Variants in VAV3 observed in about 807,000 individuals in gnomAD.
VAV3 encodes the protein vav guanine nucleotide exchange factor 3.
Under a neutral mutation model 131.2 loss-of-function variants are expected in VAV3, and 94 were observed. The observed-to-expected ratio is 0.72, with a 90% CI of 0.61 to 0.85. VAV3 has a LOEUF of 0.85. VAV3 is among the 40% of genes least tolerant of loss of function. The pLI is 0.00. For missense variants in VAV3, 939 were observed against 1,002.7 expected (o/e 0.94, Z 0.86); for synonymous variants, 349 against 342.0 (o/e 1.02, Z -0.22).
chr1:107,707,613 T>C (rs1434290602), intron 15 of VAV3, among the ~76,000 whole-genome samples: 5 of 152,202 alleles, frequency 3.3e-5, no homozygotes, highest in Non-Finnish European at 7.3e-5. Flanking sequence ...TCTGAGAATC[T>C]CCAGCACAAC....
At chr1:107,621,233 T>C (rs1653577105) in intron 20 of VAV3, among the ~76,000 whole-genome samples, 1 of 152,128 alleles carries the variant, frequency 6.6e-6, no homozygotes, top group Admixed American at 6.6e-5. Context: ...ATTTCTTAAA[T>C]GGTCATAGGC....
chr1:107,576,026 TTTC>T (rs1649619527), intron 25 of VAV3, among the ~76,000 whole-genome samples: 1 of 152,206 alleles, frequency 6.6e-6, no homozygotes, highest in Non-Finnish European at 1.5e-5. Context: ...TTCTATTTAT[TTTC>T]TTCATGAAAA....
At position 107,964,015 on chromosome 1, in the gene VAV3, T is replaced by G. The variant is rs1039495808; in HGVS notation, c.204+651A>C. 2.0e-5 allele frequency among the ~76,000 whole-genome samples: 3 copies of G among 152,198 alleles called. 1 individual carries two copies. Among genetic ancestry groups the G allele is most frequent in the African/African-American group, 7.2e-5 (3 of 41,450 alleles). On this transcript the variant is annotated intron_variant, in intron 1 of 26. Transcript: ENST00000370056. The stretch of plus-strand genomic sequence containing the variant: ...GGAATCTCTAGTGAAACTTCTCATT[T>G]CCTGTCGCTGCTGAGAGAGGCTGGA...
chr1:107,763,615 T>C (rs890727301), intron 9 of VAV3, among the ~76,000 whole-genome samples: 5 of 152,312 alleles, frequency 3.3e-5, no homozygotes, highest in Non-Finnish European at 7.4e-5. Flanking sequence ...AGGAAGTCTT[T>C]GCACTAACAA....
intron 18 of VAV3, among the ~76,000 whole-genome samples, chr1:107,684,134 C>A (rs1156871000): frequency 1.3e-5 from 2 of 152,194 alleles, no homozygotes; most frequent in African/African-American, 4.8e-5. Flanking sequence ...GAAAATGAAT[C>A]TGTAAGAAAA....
intron 25 of VAV3, among the ~76,000 whole-genome samples, chr1:107,588,182 G>A (rs191354751): frequency 3.3e-5 from 5 of 152,274 alleles, no homozygotes; most frequent in Admixed American, 2.6e-4. Context: ...AAAAAGGGAA[G>A]CCCAGCATCA....
At chr1:107,901,427 T>G (rs1236669452) in intron 1 of VAV3, among the ~76,000 whole-genome samples, 1 of 152,226 alleles carries the variant, frequency 6.6e-6, no homozygotes, top group Non-Finnish European at 1.5e-5. Flanking sequence ...TAACATTAGA[T>G]CCCACTAAGT....
chr1:107,620,327 C>T (rs931281380), intron 20 of VAV3, among the ~76,000 whole-genome samples: 7 of 152,110 alleles, frequency 4.6e-5, no homozygotes, highest in African/African-American at 1.4e-4. Flanking sequence ...CAATGACTAA[C>T]TTTATAATGA....
intron 2 of VAV3, among the ~76,000 whole-genome samples, chr1:107,817,462 A>G (rs1411029699): frequency 6.6e-6 from 1 of 152,200 alleles, no homozygotes; most frequent in South Asian, 2.1e-4. Flanking sequence ...AGATTATAAA[A>G]AATCTTCCAG....
At chr1:107,779,190 C>T (rs1488099334) in intron 3 of VAV3, among the ~76,000 whole-genome samples, 1 of 150,492 alleles carries the variant, frequency 6.6e-6, no homozygotes, top group Non-Finnish European at 1.5e-5. Context: ...AAAAGAAGAA[C>T]CACACCAGTG....
At chr1:107,611,728 C>A (rs4915055) in intron 21 of VAV3, among the ~76,000 whole-genome samples, 56,211 of 151,886 alleles carry the variant, frequency 0.37, 10,788 homozygotes, top group Middle Eastern at 0.44. Flanking sequence ...GAAACAGTGA[C>A]AGAAGATTCT....
chr1:107,728,652 T>TACG (rs1662026314), intron 15 of VAV3, among the ~76,000 whole-genome samples: 3 of 149,844 alleles, frequency 2.0e-5, no homozygotes, highest in African/African-American at 4.9e-5. Context: ...TGTATATGTA[T>TACG]TGTGTAAAAC....
At chr1:107,762,410 G>A (rs530322238) in intron 9 of VAV3, among the ~76,000 whole-genome samples, 44 of 152,174 alleles carry the variant, frequency 2.9e-4, no homozygotes, top group Admixed American at 2.2e-3. Context: ...AATGAATTGG[G>A]GACACATCCT....
intron 20 of VAV3, among the ~76,000 whole-genome samples, chr1:107,626,636 C>T (rs556557072): frequency 6.2e-4 from 95 of 152,246 alleles, no homozygotes; most frequent in African/African-American, 2.1e-3. Flanking sequence ...AGATGAACAG[C>T]GGGACACTGG....
At chr1:107,642,504 TA>T (rs1454627055) in intron 20 of VAV3, 114 bp downstream of exon 20, 10 of 1,236,478 alleles carry the variant, frequency 8.1e-6, no homozygotes, top group African/African-American at 1.5e-5. Context: ...TTTACTTTCT[TA>T]ATCAACTTGC....
chr1:107,734,578 G>C (rs1308272803), intron 15 of VAV3, among the ~76,000 whole-genome samples: 2 of 152,142 alleles, frequency 1.3e-5, no homozygotes, highest in Non-Finnish European at 2.9e-5. Context: ...TGATAAAACA[G>C]ACTTTAAACC....
intron 19 of VAV3, among the ~76,000 whole-genome samples, chr1:107,678,849 T>G (rs1262721720): frequency 6.6e-6 from 1 of 152,106 alleles, no homozygotes; most frequent in Non-Finnish European, 1.5e-5. Context: ...TTTATATGTT[T>G]ATTAAACAAT....
rs747964366 is a variant in VAV3 at position 107,777,184 on chromosome 1, C to A, written c.446+47G>T. On this transcript the variant is annotated intron_variant, in intron 4 of 26. Coordinates refer to ENST00000370056, the MANE Select transcript of VAV3 (RefSeq NM_006113.5). ...ATCCACAGTTAAAACCCACAATGGACACATAAATTGGCAGTGGCTAAATTT... is the reference window on the plus strand; with the variant it reads ...ATCCACAGTTAAAACCCACAATGGAAACATAAATTGGCAGTGGCTAAATTT... The A allele has an allele frequency of 3.3e-6, 5 of 1,522,516 alleles. No homozygotes were observed. In the South Asian group the frequency reaches 5.6e-5, roughly 17 times the overall value. 94.3% of individuals were successfully genotyped at this position (1,522,516 alleles called of 1,614,324 possible).
intron 15 of VAV3, 105 bp from the exon 16 acceptor site, chr1:107,705,166 G>T (rs377623435): frequency 2.3e-6 from 2 of 872,724 alleles, no homozygotes; most frequent in South Asian, 1.6e-5. Context: ...GTAGAGATCT[G>T]ATTCAAGCAA....
Sources: allele counts gnomAD v4.1 joint callset (sites outside exome capture counted in the v4.1 genomes callset), GRCh38; gene constraint gnomAD v4.1.1; transcripts MANE v1.5; gene names NCBI Gene and HGNC (gene_info 2026-07-23, HGNC 2026-07-21).